Variants in GRIA1 observed in about 807,000 individuals in gnomAD.
The protein encoded by GRIA1 is glutamate ionotropic receptor AMPA type subunit 1.
GRIA1 carries 31 observed loss-of-function variants against 99.2 expected under a neutral mutation model. The observed-to-expected ratio is 0.31, with a 90% CI of 0.23 to 0.42. GRIA1 has a LOEUF of 0.42. Ranked by LOEUF, GRIA1 falls within the 10% of genes least tolerant of loss-of-function variation. The pLI is 1.00. For missense variants in GRIA1, 782 were observed against 1,157.5 expected, an observed-to-expected ratio of 0.68 and a Z score of 4.71; for synonymous variants, 438 against 432.4, an observed-to-expected ratio of 1.01 and a Z score of -0.16.
intron 2 of GRIA1, among the ~76,000 whole-genome samples, chr5:153,583,620 T>C (rs1314060715): frequency 6.6e-6 from 1 of 152,146 alleles, no homozygotes; most frequent in Non-Finnish European, 1.5e-5. Flanking sequence ...TCCTAACTTT[T>C]TATGTCTACA....
At chr5:153,728,333 C>T (rs1760730934) in intron 11 of GRIA1, among the ~76,000 whole-genome samples, 2 of 149,892 alleles carry the variant, frequency 1.3e-5, no homozygotes, top group South Asian at 2.2e-4. Context: ...GCAAGGACTT[C>T]ATGTCTAAAA....
At chr5:153,528,242 T>C (rs542377342) in intron 2 of GRIA1, among the ~76,000 whole-genome samples, 1 of 152,340 alleles carries the variant, frequency 6.6e-6, no homozygotes, top group African/African-American at 2.4e-5. Context: ...ATAAATGTCT[T>C]TTAAATTTTC....
At chr5:153,549,003 CTG>C (rs1181959378) in intron 2 of GRIA1, among the ~76,000 whole-genome samples, 2 of 152,076 alleles carry the variant, frequency 1.3e-5, no homozygotes, top group Non-Finnish European at 2.9e-5. Context: ...TTTAGGATGT[CTG>C]TGTATTTTAA....
chr5:153,518,060 G>A (rs779782374), intron 2 of GRIA1, among the ~76,000 whole-genome samples: 5 of 152,134 alleles, frequency 3.3e-5, no homozygotes, highest in Admixed American at 1.3e-4. Context: ...CTGGGATGCC[G>A]TTAAATCTCA....
chr5:153,511,666 C>T (rs1216322583), intron 2 of GRIA1, among the ~76,000 whole-genome samples: 1 of 152,176 alleles, frequency 6.6e-6, no homozygotes. Context: ...AGGCTGAGAG[C>T]ATACACAGGG....
intron 11 of GRIA1, among the ~76,000 whole-genome samples, chr5:153,737,971 T>TAA (rs1302610846): frequency 6.6e-6 from 1 of 152,184 alleles, no homozygotes; most frequent in Non-Finnish European, 1.5e-5. Context: ...AGTTAACTGC[T>TAA]AAGAGGCTAA....
chr5:153,542,910 G>T (rs1165422180), intron 2 of GRIA1, among the ~76,000 whole-genome samples: 1 of 152,126 alleles, frequency 6.6e-6, no homozygotes, highest in African/African-American at 2.4e-5. Flanking sequence ...TAGTGATTAA[G>T]AACAAGAATG....
In GRIA1 at chr5:153,774,662, C is replaced by T. The variant is rs569930115; in HGVS notation, c.2270+4247C>T. Among the ~76,000 whole-genome samples, 26 of 152,322 alleles carry T rather than the reference C, an allele frequency of 1.7e-4. 1 individual carries two copies. The highest frequency in any genetic ancestry group is 5.2e-4 in the Admixed American group (8 of 15,300). On this transcript the variant is annotated intron_variant, in intron 13 of 15. Transcript: ENST00000285900. ...GCCAGACTTCACTGTGCCTGTGGGG[C>T]ATTCACTCTCTTACAGCCTGCCTAG... is the stretch of plus-strand genomic sequence containing the variant.
chr5:153,769,040 C>G (rs1763706910), intron 12 of GRIA1, among the ~76,000 whole-genome samples: 1 of 152,134 alleles, frequency 6.6e-6, no homozygotes, highest in Admixed American at 6.5e-5. Context: ...CTGTGACGGA[C>G]CCACAGGAGG....
intron 8 of GRIA1, among the ~76,000 whole-genome samples, chr5:153,695,622 GT>G (rs1758040205): frequency 6.6e-6 from 1 of 152,190 alleles, no homozygotes; most frequent in Non-Finnish European, 1.5e-5. Flanking sequence ...AAAGGAAAAA[GT>G]TGGACAAAAT....
At chr5:153,532,375 C>A (rs568367610) in intron 2 of GRIA1, among the ~76,000 whole-genome samples, 10 of 152,306 alleles carry the variant, frequency 6.6e-5, no homozygotes, top group Admixed American at 1.3e-4. Context: ...AGACCTCACA[C>A]TCACTCCTTG....
intron 11 of GRIA1, among the ~76,000 whole-genome samples, chr5:153,741,214 T>C (rs1761761868): frequency 6.6e-6 from 1 of 151,466 alleles, no homozygotes; most frequent in Non-Finnish European, 1.5e-5. Context: ...GACCTAGTGA[T>C]CCGCCCACCT....
At chr5:153,688,884 T>A (rs1757534342) in intron 8 of GRIA1, among the ~76,000 whole-genome samples, 1 of 152,052 alleles carries the variant, frequency 6.6e-6, no homozygotes, top group Non-Finnish European at 1.5e-5. Context: ...CACACCTGGC[T>A]AATTTTTGTA....
chr5:153,564,737 G>C (rs1470612284), intron 2 of GRIA1, among the ~76,000 whole-genome samples: 1 of 152,186 alleles, frequency 6.6e-6, no homozygotes, highest in Non-Finnish European at 1.5e-5. Flanking sequence ...TGAATGGCCA[G>C]GATGAAGACA....
At chr5:153,653,696 C>T (rs887710412) in intron 4 of GRIA1, among the ~76,000 whole-genome samples, 1 of 152,184 alleles carries the variant, frequency 6.6e-6, no homozygotes, top group African/African-American at 2.4e-5. Context: ...GACCATCTGG[C>T]ACCCTACTAA....
chr5:153,505,829 G>T (rs1052299938), intron 2 of GRIA1, among the ~76,000 whole-genome samples: 2 of 152,166 alleles, frequency 1.3e-5, no homozygotes, highest in Non-Finnish European at 2.9e-5. Flanking sequence ...GGGTCATAAA[G>T]AAAATAGGAT....
At chr5:153,642,553 CT>C (rs2149448060) in intron 2 of GRIA1, among the ~76,000 whole-genome samples, 1 of 151,878 alleles carries the variant, frequency 6.6e-6, no homozygotes, top group Admixed American at 6.6e-5. Flanking sequence ...ATAATGAGAT[CT>C]CAACTCTACA....
intron 2 of GRIA1, among the ~76,000 whole-genome samples, chr5:153,577,042 G>GTGCA (rs371118532): frequency 3.8e-5 from 4 of 104,204 alleles, no homozygotes; most frequent in African/African-American, 1.4e-4. Context: ...AGATGAATGG[G>GTGCA]TGGATGGATG....
intron 2 of GRIA1, chr5:153,558,111 C>T (rs1235918289): frequency 1.3e-5 from 2 of 152,116 alleles, no homozygotes; most frequent in Non-Finnish European, 2.9e-5. Flanking sequence ...ATGCATTGTG[C>T]TACATTACTA....
Sources: allele counts gnomAD v4.1 joint callset (sites outside exome capture counted in the v4.1 genomes callset), GRCh38; gene constraint gnomAD v4.1.1; transcripts MANE v1.5; gene names NCBI Gene and HGNC (gene_info 2026-07-23, HGNC 2026-07-21).